THADA: variants seen among roughly 807,000 people sequenced by gnomAD.
The protein encoded by THADA is tRNA (32-2'-O)-methyltransferase regulator THADA.
Under a neutral mutation model 219.8 loss-of-function variants are expected in THADA, and 213 were observed. The ratio of observed to expected loss-of-function variants is 0.97; its 90% CI spans 0.87 to 1.09. The LOEUF is 1.09. Among genes scored for constraint, THADA ranks in the 50% least tolerant of loss-of-function variants. The pLI, the probability that THADA is intolerant of heterozygous loss-of-function variation, is 0.00. For synonymous variants in THADA, 1,018 were observed against 828.9 expected, an observed-to-expected ratio of 1.23 and a Z score of -3.92; for missense variants, 2,956 against 2,311.3, an observed-to-expected ratio of 1.28 and a Z score of -5.72.
At chr2:43,512,346 C>T (rs999817803) in intron 22 of THADA, among the ~76,000 whole-genome samples, 2 of 152,204 alleles carry the variant, frequency 1.3e-5, no homozygotes, top group African/African-American at 2.4e-5. Flanking sequence ...GATTCCCTTG[C>T]TTCTCAGCTC....
At chr2:43,582,334 T>G (rs923744591) in intron 7 of THADA, among the ~76,000 whole-genome samples, 4 of 151,758 alleles carry the variant, frequency 2.6e-5, no homozygotes, top group Non-Finnish European at 5.9e-5. Context: ...ATGTCTCTAG[T>G]AAAAATACAA....
At chr2:43,533,514 C>T (rs916024988) in intron 21 of THADA, among the ~76,000 whole-genome samples, 1 of 152,134 alleles carries the variant, frequency 6.6e-6, no homozygotes, top group Admixed American at 6.6e-5. Flanking sequence ...GATAGACTGG[C>T]TAAAGAAAAT....
chr2:43,297,889 C>A (rs1675739497), intron 31 of THADA, among the ~76,000 whole-genome samples: 2 of 111,924 alleles, frequency 1.8e-5, no homozygotes, highest in South Asian at 2.9e-4. Flanking sequence ...CTCTGCCCGG[C>A]CGCCCCTACT....
At chr2:43,503,514 G>C (rs1689286323) in intron 24 of THADA, among the ~76,000 whole-genome samples, 1 of 152,094 alleles carries the variant, frequency 6.6e-6, no homozygotes, top group Non-Finnish European at 1.5e-5. Flanking sequence ...ACTAATTTGG[G>C]TTAGTGATTA....
intron 24 of THADA, among the ~76,000 whole-genome samples, chr2:43,499,540 C>T (rs1352130271): frequency 6.6e-6 from 1 of 152,006 alleles, no homozygotes; most frequent in African/African-American, 2.4e-5. Flanking sequence ...CCACGGCCGG[C>T]TAAGTTTTGT....
rs1052262680 is a variant in THADA at position 43,415,121 on chromosome 2, C to T, written c.4058+12979G>A. Among the ~76,000 whole-genome samples the T allele has an allele frequency of 5.3e-5, 8 of 152,142 alleles. No individual in the cohort carries two copies. In the East Asian group the frequency reaches 5.8e-4, roughly 11 times the overall value. On this transcript the variant is annotated intron_variant, in intron 28 of 37. Coordinates refer to ENST00000405975, the MANE Select transcript of THADA (RefSeq NM_022065.5). Reference sequence around the variant, plus strand: ...TATCTTCCTGTCAAAACCAAAGAAACGTAAACTAATTCATACTATGGCATA... The same window carrying T: ...TATCTTCCTGTCAAAACCAAAGAAATGTAAACTAATTCATACTATGGCATA...
intron 21 of THADA, among the ~76,000 whole-genome samples, chr2:43,535,159 T>A (rs887880478): frequency 6.7e-6 from 1 of 148,760 alleles, no homozygotes; most frequent in East Asian, 2.0e-4. Context: ...TCTGTTCAGA[T>A]CATTTGTCCT....
intron 36 of THADA, among the ~76,000 whole-genome samples, chr2:43,237,036 C>T (rs907732177): frequency 1.5e-5 from 2 of 137,888 alleles, no homozygotes; most frequent in African/African-American, 5.5e-5. Flanking sequence ...CGCGCCACTG[C>T]ACACCAGCCT....
rs1380705616 is a variant in THADA at position 43,286,941 on chromosome 2, G to C, written c.5131C>G (p.Pro1711Ala). 6.2e-7 allele frequency: 1 copy of C among 1,613,758 alleles called. No homozygotes were observed. The highest frequency in any genetic ancestry group is 1.3e-5 in the African/African-American group (1 of 74,918). Reference sequence around the variant, plus strand: ...GGATGGGGGTTGGTGAGGAAAAGTGGTGTAGTACTGGTGAGGACTTCAACG... The same window carrying C: ...GGATGGGGGTTGGTGAGGAAAAGTGCTGTAGTACTGGTGAGGACTTCAACG... ...AVVEVLTSTTPLFLTNPHPIL... is the reference protein window; with the variant it reads ...AVVEVLTSTTALFLTNPHPIL... Residue 1711 changes from proline (P) to alanine (A), a missense_variant, in exon 35 of 38, where the codon CCA becomes GCA. Physicochemically the swap from Pro to Ala is conservative, Grantham distance 27 (BLOSUM62 -1). Transcript: ENST00000405975.
At chr2:43,354,050 C>G (rs1240438953) in intron 29 of THADA, among the ~76,000 whole-genome samples, 2 of 151,918 alleles carry the variant, frequency 1.3e-5, no homozygotes, top group Non-Finnish European at 2.9e-5. Flanking sequence ...ATCTCCTGAC[C>G]TCGTGATCCG....
At chr2:43,278,116 A>G (rs1175967126) in intron 36 of THADA, among the ~76,000 whole-genome samples, 1 of 152,016 alleles carries the variant, frequency 6.6e-6, no homozygotes, top group Admixed American at 6.6e-5. Flanking sequence ...ATGCCCAGCT[A>G]ATTTTTCTAT....
chr2:43,307,354 G>T (rs1021137959), intron 31 of THADA, among the ~76,000 whole-genome samples: 1 of 152,238 alleles, frequency 6.6e-6, no homozygotes, highest in Admixed American at 6.5e-5. Context: ...AATCTGTATA[G>T]TGAGAGAGCT....
Position 43,351,067 on chromosome 2 carries a change from C to A in THADA, c.4228-6830G>T, listed in dbSNP as rs1230650056. ...CCCCTCCTTTCTATTAACACTCCCA[C>A]TATTTTAGTTCAGGAGCAAGAAGAC... On this transcript the variant is annotated intron_variant, in intron 29 of 37. Transcript: ENST00000405975. Among the ~76,000 whole-genome samples, 3 of 152,166 alleles carry A rather than the reference C, an allele frequency of 2.0e-5. No individual in the cohort carries two copies. The East Asian group carries it at 5.8e-4, about 29-fold the overall frequency.
chr2:43,445,622 C>T (rs1681426749), intron 26 of THADA, among the ~76,000 whole-genome samples: 1 of 152,212 alleles, frequency 6.6e-6, no homozygotes, highest in Admixed American at 6.5e-5. Flanking sequence ...AACCAGTATC[C>T]TTGTTTCCCT....
rs149186651 is a variant in THADA, at chr2:43,321,601, C to A, written c.4344-1061G>T. Reference sequence around the variant, plus strand: ...TTGGCTTGATTTCCTCTCTGTCTTGCGTGCTCTTTTCTGCCTTCAGCCTTC... The same window carrying A: ...TTGGCTTGATTTCCTCTCTGTCTTGAGTGCTCTTTTCTGCCTTCAGCCTTC... On this transcript the variant is annotated intron_variant, in intron 30 of 37. Coordinates refer to ENST00000405975, the MANE Select transcript of THADA (RefSeq NM_022065.5). Among the ~76,000 whole-genome samples the A allele has an allele frequency of 7.9e-5, 12 of 152,286 alleles. No homozygotes were observed. In the East Asian group the frequency reaches 2.1e-3, roughly 27 times the overall value.
intron 29 of THADA, 80 bp downstream of exon 29, chr2:43,397,891 T>C: frequency 6.9e-7 from 1 of 1,453,914 alleles, no homozygotes; most frequent in African/African-American, 1.4e-5. Flanking sequence ...GTATCAAATC[T>C]TCACCAGCTA....
chr2:43,472,872 A>G (rs1313515777), intron 26 of THADA, among the ~76,000 whole-genome samples: 4 of 152,190 alleles, frequency 2.6e-5, no homozygotes, highest in African/African-American at 9.7e-5. Context: ...ATGTGTATCT[A>G]AACATACTAA....
chr2:43,258,178 T>A (rs1464429673), intron 36 of THADA, among the ~76,000 whole-genome samples: 2 of 152,206 alleles, frequency 1.3e-5, no homozygotes, highest in African/African-American at 2.4e-5. Flanking sequence ...AATATCCTTT[T>A]AGTGTAAGTA....
At chr2:43,379,286 G>C (rs1390608513) in intron 29 of THADA, among the ~76,000 whole-genome samples, 2 of 151,406 alleles carry the variant, frequency 1.3e-5, no homozygotes, top group African/African-American at 2.4e-5. Flanking sequence ...AACAGAATAA[G>C]GTAAAAATGA....
Sources: gnomAD v4.1 joint callset for allele counts (sites outside exome capture counted in the v4.1 genomes callset) on GRCh38, gnomAD v4.1.1 for gene constraint, MANE v1.5 for transcripts, NCBI Gene and HGNC (gene_info 2026-07-23, HGNC 2026-07-21) for gene names.